Variants in EIPR1 observed in about 807,000 individuals in gnomAD.
EIPR1 encodes EARP complex and GARP complex interacting protein 1.
EIPR1 carries 25 observed loss-of-function variants against 48.1 expected under a neutral mutation model. That is an observed-to-expected ratio of 0.52 (90% CI 0.38 to 0.73). The LOEUF (loss-of-function observed/expected upper bound fraction) is 0.73. EIPR1 is among the 30% of genes least tolerant of loss of function. The pLI is 0.00. For synonymous variants in EIPR1, 204 were observed against 201.9 expected (o/e 1.01, Z -0.09); for missense variants, 415 against 506.2 (o/e 0.82, Z 1.73).
At chr2:3,344,387 C>T (rs1444226206) in intron 2 of EIPR1, among the ~76,000 whole-genome samples, 1 of 152,224 alleles carries the variant, frequency 6.6e-6, no homozygotes, top group Admixed American at 6.5e-5. Context: ...GCATGTGACT[C>T]TGAAAACACA....
intron 4 of EIPR1, among the ~76,000 whole-genome samples, chr2:3,223,617 T>C (rs951245377): frequency 2.6e-5 from 4 of 152,200 alleles, no homozygotes; most frequent in Admixed American, 6.5e-5. Flanking sequence ...AAGGGTTTGC[T>C]ACTCAGTATC....
intron 3 of EIPR1, among the ~76,000 whole-genome samples, chr2:3,328,279 C>G (rs1313209262): frequency 6.6e-6 from 1 of 152,220 alleles, no homozygotes; most frequent in African/African-American, 2.4e-5. Context: ...GGTGCCACCC[C>G]TATGGCCTGC....
At position 3,354,640 on chromosome 2, in the gene EIPR1, G is replaced by A. The variant is rs750357161; in HGVS notation, c.43-7C>T. ...GAGGTGTTAAGGCACGTGCCTGCAG[G>A]AGGGAAGAAAAACACATGCACATTT... On this transcript the variant is annotated splice_polypyrimidine_tract_variant and splice_region_variant and intron_variant, in intron 1 of 8. Coordinates refer to ENST00000382125, the MANE Select transcript of EIPR1 (RefSeq NM_003310.5). 1.9e-5 allele frequency: 30 copies of A among 1,613,896 alleles called. No homozygotes were observed. The highest frequency in any genetic ancestry group is 2.5e-5 in the Non-Finnish European group (30 of 1,179,884).
At chr2:3,237,549 C>CT (rs1483016485) in intron 4 of EIPR1, among the ~76,000 whole-genome samples, 7 of 152,202 alleles carry the variant, frequency 4.6e-5, no homozygotes, top group Admixed American at 3.9e-4. Flanking sequence ...GGGTTCCACA[C>CT]TATCAGCCGT....
Position 3,336,892 on chromosome 2 carries a change from G to A in EIPR1, c.259+1125C>T, listed in dbSNP as rs71449661. On this transcript the variant is annotated intron_variant, in intron 3 of 8. Coordinates refer to ENST00000382125, the MANE Select transcript of EIPR1 (RefSeq NM_003310.5). Reference sequence around the variant, plus strand: ...AAAGGGAAGGGAAGGGAAAAGGGAAGGGAAGGGAAAAGGGAAGGGAAGGGA... The same window carrying A: ...AAAGGGAAGGGAAGGGAAAAGGGAAAGGAAGGGAAAAGGGAAGGGAAGGGA... Among the ~76,000 whole-genome samples, 481 of 63,942 alleles carry A rather than the reference G, an allele frequency of 7.5e-3. 58 individuals are homozygous for A. The highest frequency in any genetic ancestry group is 9.1e-3 in the Non-Finnish European group (290 of 31,752). The allele number at this position is 63,942 out of a possible 152,430, so 41.9% of individuals were successfully genotyped here.
At chr2:3,234,209 T>G (rs555022546) in intron 4 of EIPR1, among the ~76,000 whole-genome samples, 2 of 152,370 alleles carry the variant, frequency 1.3e-5, no homozygotes, top group East Asian at 3.9e-4. Flanking sequence ...TCTTGTATTT[T>G]GCTGTTTTTT....
At chr2:3,274,486 TAA>T in intron 3 of EIPR1, 2 of 1,523,712 alleles carry the variant, frequency 1.3e-6, no homozygotes, top group Non-Finnish European at 1.8e-6. Flanking sequence ...CATGTTAAGG[TAA>T]ATCAAGCCAT....
chr2:3,266,082 G>A (rs543945265), intron 3 of EIPR1, among the ~76,000 whole-genome samples: 2 of 152,324 alleles, frequency 1.3e-5, no homozygotes, highest in African/African-American at 2.4e-5. Context: ...CTGCAGCCAC[G>A]GGTGTGCTGC....
intron 1 of EIPR1, among the ~76,000 whole-genome samples, chr2:3,367,745 G>T (rs1038821447): frequency 2.6e-5 from 4 of 152,040 alleles, no homozygotes; most frequent in Admixed American, 6.6e-5. Context: ...ATATAAAAAG[G>T]CATTTGAAAA....
At chr2:3,330,883 G>C (rs561350649) in intron 3 of EIPR1, among the ~76,000 whole-genome samples, 86 of 151,230 alleles carry the variant, frequency 5.7e-4, no homozygotes, top group African/African-American at 2.1e-3. Context: ...TGTAAGCAGA[G>C]ACAGGTGCAC....
intron 2 of EIPR1, among the ~76,000 whole-genome samples, chr2:3,352,735 G>A (rs186576402): frequency 1.1e-4 from 17 of 152,338 alleles, no homozygotes; most frequent in East Asian, 5.8e-4. Flanking sequence ...AGTGGCTCAC[G>A]CCTGTAATCC....
At position 3,271,311 on chromosome 2, in the gene EIPR1, G is replaced by T. The variant is rs146722527; in HGVS notation, c.260-13856C>A. ...ATATTCTGACCACCTCCTATAAATC[G>T]CAAATGTTCTTAATGGCATCTAGAA... On this transcript the variant is annotated intron_variant, in intron 3 of 8. Coordinates refer to ENST00000382125, the MANE Select transcript of EIPR1 (RefSeq NM_003310.5). Among the ~76,000 whole-genome samples, 678 of 152,172 alleles carry T rather than the reference G, an allele frequency of 4.5e-3. 3 individuals carry two copies. Among genetic ancestry groups the T allele is most frequent in the Non-Finnish European group, 7.8e-3 (530 of 68,020 alleles).
At chr2:3,251,017 A>G (rs1303340596) in intron 4 of EIPR1, among the ~76,000 whole-genome samples, 1 of 152,158 alleles carries the variant, frequency 6.6e-6, no homozygotes, top group African/African-American at 2.4e-5. Context: ...GGCAGCTAAC[A>G]CACATAAAAT....
chr2:3,194,030 G>A lies in EIPR1; in HGVS notation c.790C>T (p.Pro264Ser). The change falls in exon 7 of 9, where the codon CCC becomes TCC. Residue 264 changes from proline to serine, a missense_variant. Physicochemically the swap from Pro to Ser is moderately conservative, Grantham distance 74. Coordinates refer to ENST00000382125, the MANE Select transcript of EIPR1 (RefSeq NM_003310.5). ...GAGTGCTCCTCCAGGGTCTTCACGG[G>A]TTCGGTGACATTTCGGGTGTCCCAG... is the stretch of plus-strand genomic sequence containing the variant. ...KFWDTRNVTE[P>S]VKTLEEHSHW... 1 of 1,613,854 alleles carries A rather than the reference G, an allele frequency of 6.2e-7. No individual in the cohort carries two copies. Among genetic ancestry groups the A allele is most frequent in the Non-Finnish European group, 8.5e-7 (1 of 1,180,008 alleles).
At chr2:3,319,460 T>C (rs1669423340) in intron 3 of EIPR1, 2 of 165,064 alleles carry the variant, frequency 1.2e-5, no homozygotes, top group Non-Finnish European at 1.3e-5. Flanking sequence ...ATCTTCGTTA[T>C]CCCGTTACCT....
rs1340563794 is a variant in EIPR1, at chr2:3,321,813, C to T, written c.259+16204G>A. Among the ~76,000 whole-genome samples the T allele has an allele frequency of 5.9e-5, 9 of 152,178 alleles. 1 individual carries two copies. Among genetic ancestry groups the T allele is most frequent in the East Asian group, 1.9e-4 (1 of 5,198 alleles). On this transcript the variant is annotated intron_variant, in intron 3 of 8. Transcript: ENST00000382125. ...CCTTCTTTCTACAGCTTAAAAAGCA[C>T]GTCCTGGACCAGGCGGGCACATCAG...
intron 3 of EIPR1, among the ~76,000 whole-genome samples, chr2:3,295,690 C>T (rs1270868239): frequency 7.6e-6 from 1 of 131,066 alleles, no homozygotes; most frequent in Non-Finnish European, 1.6e-5. Context: ...CCATGCAGCC[C>T]TCCTCTCTCT....
chr2:3,223,871 C>T (rs1056066332), intron 4 of EIPR1, among the ~76,000 whole-genome samples: 1 of 152,090 alleles, frequency 6.6e-6, no homozygotes, highest in Non-Finnish European at 1.5e-5. Context: ...ACCACATGTC[C>T]CATGTGACCC....
At chr2:3,253,423 A>G (rs1372981398) in intron 4 of EIPR1, among the ~76,000 whole-genome samples, 1 of 152,180 alleles carries the variant, frequency 6.6e-6, no homozygotes, top group African/African-American at 2.4e-5. Flanking sequence ...CTCAGAATAA[A>G]TCTCTTCAAA....
Sources: allele counts gnomAD v4.1 joint callset (sites outside exome capture counted in the v4.1 genomes callset), GRCh38; gene constraint gnomAD v4.1.1; transcripts MANE v1.5; gene names NCBI Gene and HGNC (gene_info 2026-07-23, HGNC 2026-07-21).